The following MARK2 variants were observed in gnomAD, a reference collection of about 807,000 sequenced individuals.
The protein encoded by MARK2 is serine/threonine-protein kinase MARK2.
A neutral mutation model predicts 89.8 loss-of-function variants in MARK2; 16 were observed. That is an observed-to-expected ratio of 0.18 (90% CI 0.12 to 0.27). The LOEUF (loss-of-function observed/expected upper bound fraction) is 0.27, where lower values mean the gene tolerates loss of function less well. Among genes scored for constraint, MARK2 ranks in the 10% least tolerant of loss-of-function variants. The pLI is 1.00. For missense variants in MARK2, 621 were observed against 1,049.9 expected, an observed-to-expected ratio of 0.59 and a Z score of 5.65; for synonymous variants, 382 against 399.5, an observed-to-expected ratio of 0.96 and a Z score of 0.52.
At chr11:63,841,284 G>A (rs2135185098) in intron 1 of MARK2, among the ~76,000 whole-genome samples, 1 of 152,240 alleles carries the variant, frequency 6.6e-6, no homozygotes, top group East Asian at 1.9e-4. Context: ...GGGCAGTTAG[G>A]AACTAAAGAG....
intron 1 of MARK2, among the ~76,000 whole-genome samples, chr11:63,857,512 A>G (rs754558445): frequency 2.8e-4 from 42 of 152,292 alleles, no homozygotes; most frequent in Middle Eastern, 6.8e-3. Context: ...TTTTGATTGC[A>G]TTATAAGATT....
At chr11:63,872,044 TC>T (rs1938481988) in intron 1 of MARK2, among the ~76,000 whole-genome samples, 1 of 152,218 alleles carries the variant, frequency 6.6e-6, no homozygotes, top group Non-Finnish European at 1.5e-5. Flanking sequence ...CAGAGAACAC[TC>T]CTGCCACCGG....
At position 63,900,039 on chromosome 11, in the gene MARK2, G is replaced by C. The variant is rs1476842866; in HGVS notation, c.697G>C (p.Val233Leu). 6.2e-7 allele frequency: 1 copy of C among 1,614,128 alleles called. No homozygotes were observed. The highest frequency in any genetic ancestry group is 8.5e-7 in the Non-Finnish European group (1 of 1,180,056). The change falls in exon 8 of 19, where the codon GTG becomes CTG. Residue 233 changes from valine to leucine, a missense_variant. Physicochemically the swap from Val to Leu is conservative, Grantham distance 32. Coordinates refer to ENST00000402010, the MANE Select transcript of MARK2 (RefSeq NM_001039469.3). The surrounding 1 kb of genome is among the most constrained non-coding windows in gnomAD (Gnocchi z 4.7). Reference protein sequence around the residue: ...GKKYDGPEVDVWSLGVILYTL... With the variant: ...GKKYDGPEVDLWSLGVILYTL... ...AAAATATGATGGACCCGAGGTGGAT[G>C]TGTGGAGCCTAGGAGTTATCCTCTA...
chr11:63,844,204 G>A (rs115614446), intron 1 of MARK2, among the ~76,000 whole-genome samples: 2,889 of 152,344 alleles, frequency 0.019, 98 homozygotes, highest in African/African-American at 0.066. Context: ...CTCTGGTCAG[G>A]CACCATGGCT....
At chr11:63,877,294 A>G (rs1019600493) in intron 1 of MARK2, among the ~76,000 whole-genome samples, 4 of 151,338 alleles carry the variant, frequency 2.6e-5, no homozygotes, top group African/African-American at 7.3e-5. Context: ...TATTTTTAGT[A>G]GAGATGGGGT....
rs1251577393 is a variant in MARK2 at position 63,861,309 on chromosome 11, G to A, written c.54+21749G>A. On this transcript the variant is annotated intron_variant, in intron 1 of 18. Coordinates refer to ENST00000402010, the MANE Select transcript of MARK2 (RefSeq NM_001039469.3). ...AACGTAGCCAGGCGTGGTGGTGGGC[G>A]TCTGTAATCCCAGCTACTCTGGAGG... Among the ~76,000 whole-genome samples the A allele has an allele frequency of 5.9e-5, 9 of 152,042 alleles. No individual in the cohort carries two copies. The South Asian group carries it at 1.9e-3, about 32-fold the overall frequency.
At chr11:63,894,700 AAAAT>A (rs752323412) in intron 1 of MARK2, among the ~76,000 whole-genome samples, 2 of 152,240 alleles carry the variant, frequency 1.3e-5, no homozygotes, top group Non-Finnish European at 2.9e-5. Flanking sequence ...CTGTCTCAAA[AAAAT>A]AAATAAATAA....
intron 1 of MARK2, among the ~76,000 whole-genome samples, chr11:63,888,296 T>C (rs796837641): frequency 6.8e-4 from 103 of 152,282 alleles, no homozygotes; most frequent in African/African-American, 2.4e-3. Context: ...GGTCAGCACA[T>C]CTGAGTCACA....
intron 16 of MARK2, 64 bp from the exon 17 acceptor site, chr11:63,906,024 C>T (rs980288081): frequency 2.3e-6 from 3 of 1,304,886 alleles, no homozygotes; most frequent in Non-Finnish European, 2.0e-6. Flanking sequence ...TATCCACATA[C>T]CGTCTTGTTG....
At chr11:63,859,798 A>G in intron 1 of MARK2, among the ~76,000 whole-genome samples, 1 of 151,450 alleles carries the variant, frequency 6.6e-6, no homozygotes, top group Non-Finnish European at 1.5e-5. Flanking sequence ...TGCCCGGCTT[A>G]TTTTTGTATT....
intron 1 of MARK2, among the ~76,000 whole-genome samples, chr11:63,843,299 C>G (rs1419351462): frequency 6.6e-6 from 1 of 152,168 alleles, no homozygotes; most frequent in African/African-American, 2.4e-5. Flanking sequence ...GTCCAGCTTC[C>G]AGAGTTCACC....
At position 63,839,223 on chromosome 11, in the gene MARK2, G is replaced by A; in HGVS notation, c.-284G>A. 8.7e-6 allele frequency: 2 copies of A among 229,588 alleles called. No individual in the cohort carries two copies. The highest frequency in any genetic ancestry group is 1.1e-4 in the Admixed American group (2 of 17,686). The allele number at this position is 229,588 out of a possible 1,614,324, so 14.2% of individuals were successfully genotyped here. A position where few individuals can be genotyped will look rare whatever the true frequency, so the allele number is the denominator to read the frequency against. On this transcript the variant is annotated 5_prime_UTR_variant, in exon 1 of 19. Coordinates refer to ENST00000402010, the MANE Select transcript of MARK2 (RefSeq NM_001039469.3). ...AGGAGCGAGGCAGGCGGCCGGCTGC[G>A]GCGGCAGAGAGTAGGCGGAGCGGCG...
intron 1 of MARK2, among the ~76,000 whole-genome samples, chr11:63,865,192 A>G (rs1050310739): frequency 6.6e-6 from 1 of 152,160 alleles, no homozygotes; most frequent in South Asian, 2.1e-4. Flanking sequence ...TATCCAGCCC[A>G]GTTATGTAGT....
At chr11:63,894,411 T>C (rs1940182480) in intron 1 of MARK2, among the ~76,000 whole-genome samples, 1 of 152,250 alleles carries the variant, frequency 6.6e-6, no homozygotes, top group South Asian at 2.1e-4. Flanking sequence ...AACAAAGTTA[T>C]TATGGCTGGG....
At chr11:63,875,354 C>T (rs1193927776) in intron 1 of MARK2, among the ~76,000 whole-genome samples, 1 of 151,814 alleles carries the variant, frequency 6.6e-6, no homozygotes, top group Non-Finnish European at 1.5e-5. Context: ...CTCCTGACCT[C>T]GTGATCCGCC....
chr11:63,907,877 AC>A (rs1941472734), intron 17 of MARK2, among the ~76,000 whole-genome samples: 2 of 152,056 alleles, frequency 1.3e-5, no homozygotes, highest in Non-Finnish European at 1.5e-5. Flanking sequence ...CACACCTGCA[AC>A]CCCCAGAACA....
chr11:63,848,695 C>T (rs1377904635), intron 1 of MARK2, among the ~76,000 whole-genome samples: 3 of 151,836 alleles, frequency 2.0e-5, no homozygotes, highest in Non-Finnish European at 2.9e-5. Context: ...GGACTTCAGG[C>T]GCCCACCACC....
intron 16 of MARK2, among the ~76,000 whole-genome samples, chr11:63,905,467 AC>A (rs1941250980): frequency 6.6e-6 from 1 of 152,172 alleles, no homozygotes; most frequent in Non-Finnish European, 1.5e-5. Flanking sequence ...TGCCCCTTTG[AC>A]TGCCTCTCCC....
At chr11:63,844,209 A>G (rs568928633) in intron 1 of MARK2, among the ~76,000 whole-genome samples, 3 of 152,250 alleles carry the variant, frequency 2.0e-5, no homozygotes, top group African/African-American at 4.8e-5. Flanking sequence ...GTCAGGCACC[A>G]TGGCTCATGC....
Sources: allele counts gnomAD v4.1 joint callset (sites outside exome capture counted in the v4.1 genomes callset), GRCh38; gene constraint gnomAD v4.1.1; non-coding constraint Gnocchi (gnomAD v3.1); transcripts MANE v1.5; gene names NCBI Gene and HGNC (gene_info 2026-07-23, HGNC 2026-07-21).